Variants in UACA observed in about 807,000 individuals in gnomAD.
UACA encodes uveal autoantigen with coiled-coil domains and ankyrin repeats.
A neutral mutation model predicts 160.5 loss-of-function variants in UACA; 112 were observed. That is an observed-to-expected ratio of 0.70 (90% CI 0.60 to 0.82). UACA has a LOEUF of 0.82. Among genes scored for constraint, UACA ranks in the 40% least tolerant of loss-of-function variants. The probability of loss-of-function intolerance (pLI) is 0.00; values close to 1 mark genes in which losing one functional copy is unlikely to be tolerated. For missense variants in UACA, 1,574 were observed against 1,614.6 expected (o/e 0.97, Z 0.43); for synonymous variants, 557 against 568.4 (o/e 0.98, Z 0.29).
At chr15:70,756,742 G>A (rs778159218) in intron 1 of UACA, among the ~76,000 whole-genome samples, 11 of 152,032 alleles carry the variant, frequency 7.2e-5, no homozygotes, top group Admixed American at 3.3e-4. Context: ...GCATGGTGGC[G>A]GGCAGCTGTA....
At chr15:70,722,279 G>T (rs1226573762) in intron 1 of UACA, among the ~76,000 whole-genome samples, 4 of 151,196 alleles carry the variant, frequency 2.6e-5, no homozygotes, top group African/African-American at 9.7e-5. Flanking sequence ...GGAAAGGAAG[G>T]CAAGAGGGAA....
intron 1 of UACA, among the ~76,000 whole-genome samples, chr15:70,720,464 CCCA>C (rs776924360): frequency 2.0e-4 from 31 of 152,108 alleles, no homozygotes; most frequent in Non-Finnish European, 3.5e-4. Context: ...GCCACCATGC[CCCA>C]CCCATTCTTC....
intron 1 of UACA, among the ~76,000 whole-genome samples, chr15:70,729,380 T>C (rs1288976799): frequency 1.3e-5 from 2 of 152,210 alleles, no homozygotes; most frequent in Admixed American, 6.5e-5. Context: ...ACCATGTCTT[T>C]GCTGCAGCTT....
chr15:70,679,543 C>T (rs912222656), intron 10 of UACA, 65 bp downstream of exon 10: 243 of 1,103,400 alleles, frequency 2.2e-4, no homozygotes, highest in Non-Finnish European at 5.3e-5. Context: ...TCTCTTCTCT[C>T]TCAATCCCAC....
In UACA at chr15:70,654,608, C is replaced by T. The variant is rs566033667; in HGVS notation, c.*2448G>A. On this transcript the variant is annotated 3_prime_UTR_variant, in exon 19 of 19. Coordinates refer to ENST00000322954, the MANE Select transcript of UACA (RefSeq NM_018003.4). ...AAAAGACAATTATTTATAACACTGA[C>T]CCTCTATCAAAAAGAATATGCTTTT... is the stretch of plus-strand genomic sequence containing the variant. 6.6e-6 allele frequency: 1 copy of T among 152,084 alleles called. No individual in the cohort carries two copies. The highest frequency in any genetic ancestry group is 1.9e-4 in the East Asian group (1 of 5,180). The allele number at this position is 152,084 out of a possible 1,614,324, so 9.4% of individuals were successfully genotyped here. A position where few individuals can be genotyped will look rare whatever the true frequency, so the allele number is the denominator to read the frequency against.
chr15:70,736,700 C>G (rs1483038385), intron 1 of UACA, among the ~76,000 whole-genome samples: 1 of 152,182 alleles, frequency 6.6e-6, no homozygotes, highest in Non-Finnish European at 1.5e-5. Flanking sequence ...CTCAGCCTCC[C>G]AAAGTGCTGG....
chr15:70,764,187 T>C (rs2030943718), upstream of UACA, among the ~76,000 whole-genome samples: 1 of 152,094 alleles, frequency 6.6e-6, no homozygotes, highest in Non-Finnish European at 1.5e-5. Flanking sequence ...ATCCGCCGTA[T>C]TGGAAGCAAA....
chr15:70,687,567 T>C lies in UACA; in HGVS notation c.575A>G (p.Asp192Gly). Residue 192 changes from aspartate to glycine, a missense_variant, in exon 7 of 19, where the codon GAT (aspartate) becomes GGT (glycine). By Grantham distance (94) the Asp-to-Gly change is moderately conservative. Coordinates refer to ENST00000322954, the MANE Select transcript of UACA (RefSeq NM_018003.4). ...ICQLLIDRGA[D>G]VNSRDKQNRT... The stretch of plus-strand genomic sequence containing the variant: ...GTTTTGTTTGTCTCTGGAATTAACA[T>C]CCGCTCCTCTATCTATCAGCAGTTG... The C allele has an allele frequency of 6.2e-7, 1 of 1,613,856 alleles. No individual in the cohort carries two copies. The highest frequency in any genetic ancestry group is 2.2e-5 in the East Asian group (1 of 44,864).
In UACA at chr15:70,671,070, T is replaced by A. The variant is rs976029823; in HGVS notation, c.1190A>T (p.Lys397Ile). 3 of 1,598,264 alleles carry A rather than the reference T, an allele frequency of 1.9e-6. No individual in the cohort carries two copies. In the Admixed American group the frequency reaches 5.1e-5, roughly 27 times the overall value. The change falls in exon 15 of 19, where the codon AAA becomes ATA. Residue 397 changes from lysine (K) to isoleucine (I), a missense_variant. Coordinates refer to ENST00000322954, the MANE Select transcript of UACA (RefSeq NM_018003.4). ...FSNRKEDMLL[K>I]QGQMYMADSQ... is the part of the protein sequence containing the mutation. ...GTCTGCCATATACATCTGACCTTGT[T>A]TAAGAAGCATATCTTCTTTTCCTAA...
intron 1 of UACA, among the ~76,000 whole-genome samples, chr15:70,737,086 C>A (rs1899392067): frequency 6.6e-6 from 1 of 152,154 alleles, no homozygotes; most frequent in Admixed American, 6.6e-5. Flanking sequence ...ATGAGCAGAT[C>A]TGAGATCCAA....
In UACA at chr15:70,699,640, T is replaced by C. The variant is rs1898265058; in HGVS notation, c.99A>G (p.Lys33=). 2 of 1,611,998 alleles carry C rather than the reference T, an allele frequency of 1.2e-6. No individual in the cohort carries two copies. The highest frequency in any genetic ancestry group is 2.2e-5 in the South Asian group (2 of 90,896). ...AASAHAADWN[K]YDDRLMKAAE... ...CTGCTTTCATCAATCGGTCATCATA[T>C]TTATTCCAATCTGCTGCATGCTACA... The change falls in exon 2 of 19, where the codon AAA becomes AAG. Residue 33 remains lysine, a synonymous_variant. Coordinates refer to ENST00000322954, the MANE Select transcript of UACA (RefSeq NM_018003.4).
Position 70,668,034 on chromosome 15 carries a change from A to G in UACA, c.2650T>C (p.Leu884=). ...TCTTCAAATTTTTTCTTCACATCTA[A>G]TAATTCTCTGTTAGTTTTGGCTAAC... The part of the protein sequence containing the change: ...DTLAKTNREL[L]DVKKKFEDIN... Residue 884 remains leucine, a synonymous_variant, in exon 16 of 19, where the codon TTA becomes CTA. Coordinates refer to ENST00000322954, the MANE Select transcript of UACA (RefSeq NM_018003.4). 7 of 1,611,006 alleles carry G rather than the reference A, an allele frequency of 4.3e-6. No homozygotes were observed. The highest frequency in any genetic ancestry group is 5.1e-6 in the Non-Finnish European group (6 of 1,179,250).
intron 5 of UACA, 99 bp from the exon 6 acceptor site, chr15:70,687,919 A>G: frequency 8.6e-7 from 1 of 1,162,712 alleles, no homozygotes; most frequent in Non-Finnish European, 1.2e-6. Context: ...TTCAATTTCT[A>G]AATTACCAAG....
intron 1 of UACA, among the ~76,000 whole-genome samples, chr15:70,755,782 T>A (rs1307682211): frequency 6.6e-6 from 1 of 152,186 alleles, no homozygotes; most frequent in African/African-American, 2.4e-5. Flanking sequence ...GATTTGTCTA[T>A]GCCTCATCTG....
intron 12 of UACA, 74 bp from the exon 13 acceptor site, chr15:70,676,665 C>G: frequency 7.7e-7 from 1 of 1,296,720 alleles, no homozygotes. Flanking sequence ...TTTTAGAAAA[C>G]GTGAATTGGA....
intron 1 of UACA, among the ~76,000 whole-genome samples, chr15:70,755,784 C>T (rs982182031): frequency 2.0e-5 from 3 of 152,170 alleles, no homozygotes; most frequent in African/African-American, 7.2e-5. Flanking sequence ...TTTGTCTATG[C>T]CTCATCTGTG....
chr15:70,759,868 T>C (rs919357900), intron 1 of UACA, among the ~76,000 whole-genome samples: 3 of 152,178 alleles, frequency 2.0e-5, no homozygotes, highest in African/African-American at 7.2e-5. Flanking sequence ...ATAGTACTAT[T>C]CAGAATATTC....
chr15:70,713,254 G>A (rs1898737532), intron 1 of UACA, among the ~76,000 whole-genome samples: 1 of 152,192 alleles, frequency 6.6e-6, no homozygotes, highest in Non-Finnish European at 1.5e-5. Context: ...GGGAGGCTGA[G>A]GCAGAATGGC....
intron 1 of UACA, among the ~76,000 whole-genome samples, chr15:70,739,234 A>T (rs1899457754): frequency 6.6e-6 from 1 of 152,200 alleles, no homozygotes; most frequent in Non-Finnish European, 1.5e-5. Context: ...AAATCCTATA[A>T]GGCAGGGTTT....
Sources: allele counts gnomAD v4.1 joint callset (sites outside exome capture counted in the v4.1 genomes callset), GRCh38; gene constraint gnomAD v4.1.1; transcripts MANE v1.5; gene names NCBI Gene and HGNC (gene_info 2026-07-23, HGNC 2026-07-21).